Variants in MMRN1 observed in about 807,000 individuals in gnomAD.
The protein encoded by MMRN1 is multimerin 1, also known as multimerin-1.
Under a neutral mutation model 100.7 loss-of-function variants are expected in MMRN1, and 94 were observed. The observed-to-expected ratio is 0.93, with a 90% CI of 0.79 to 1.11. MMRN1 has a LOEUF of 1.11. Among genes scored for constraint, MMRN1 ranks in the 50% least tolerant of loss-of-function variants. The probability of loss-of-function intolerance (pLI) is 0.00; values close to 1 mark genes in which losing one functional copy is unlikely to be tolerated. For synonymous variants in MMRN1, 575 were observed against 505.0 expected (o/e 1.14, Z -1.86); for missense variants, 1,606 against 1,439.1 (o/e 1.12, Z -1.88).
At chr4:89,923,461 A>T (rs971598389) in intron 4 of MMRN1, among the ~76,000 whole-genome samples, 189 bp downstream of exon 4, 1 of 152,230 alleles carries the variant, frequency 6.6e-6, no homozygotes, top group Non-Finnish European at 1.5e-5. Context: ...TACTGAAAAG[A>T]CCATGTATAA....
intron 1 of MMRN1, among the ~76,000 whole-genome samples, chr4:89,888,266 A>G (rs567375593): frequency 2.0e-5 from 3 of 152,058 alleles, no homozygotes; most frequent in East Asian, 1.9e-4. Context: ...CCTATTAAAG[A>G]TGTCTTTATT....
chr4:89,921,910 G>T (rs1007782148), intron 3 of MMRN1, among the ~76,000 whole-genome samples: 1 of 152,098 alleles, frequency 6.6e-6, no homozygotes, highest in Non-Finnish European at 1.5e-5. Context: ...ATTAACATGT[G>T]CCAGAGATGC....
rs747676638 is a variant in MMRN1 at position 89,953,022 on chromosome 4, T to G, written c.3291T>G (p.Tyr1097Ter). The change falls in exon 8 of 8, where the codon TAT becomes TAG. Residue 1097 changes from tyrosine to a stop codon, truncating the protein, a stop_gained. Coordinates refer to ENST00000264790, the MANE Select transcript of MMRN1 (RefSeq NM_007351.3). LOFTEE classifies it high-confidence loss of function. The part of the protein sequence containing the change: ...APDFSKGSYR[Y>*]APMVAFFASH... ...ATTTTTCCAAAGGATCTTACAGATA[T>G]GCACCCATGGTGGCATTTTTTGCAT... 6.2e-7 allele frequency: 1 copy of G among 1,608,322 alleles called. No individual in the cohort carries two copies. Among genetic ancestry groups the G allele is most frequent in the Non-Finnish European group, 8.5e-7 (1 of 1,177,390 alleles).
At chr4:89,934,321 TAAG>T (rs1453343971) in intron 5 of MMRN1, among the ~76,000 whole-genome samples, 5 of 152,270 alleles carry the variant, frequency 3.3e-5, no homozygotes, top group Admixed American at 6.5e-5. Context: ...AGAATATCAT[TAAG>T]GTTTTTCCCT....
At chr4:89,879,743 A>T (rs1003199937) in intron 1 of MMRN1, 1 of 151,964 alleles carries the variant, frequency 6.6e-6, no homozygotes, top group African/African-American at 2.4e-5. Flanking sequence ...CACTGTCTTT[A>T]AAAAAAAGCA....
intron 1 of MMRN1, among the ~76,000 whole-genome samples, chr4:89,883,402 G>A (rs1205399692): frequency 1.3e-5 from 2 of 151,996 alleles, no homozygotes; most frequent in Admixed American, 1.3e-4. Flanking sequence ...AACATTTGGT[G>A]CTATGAGGCT....
rs761926710 is a variant in MMRN1 at position 89,909,330 on chromosome 4, C to G, written c.678C>G (p.Asn226Lys). 9 of 1,609,902 alleles carry G rather than the reference C, an allele frequency of 5.6e-6. No homozygotes were observed. In the South Asian group the frequency reaches 8.8e-5, roughly 16 times the overall value. The part of the protein sequence containing the change: ...TRLSPTVILD[N>K]QVTYVPGGKG... Reference sequence around the variant, plus strand: ...TATCTCCCACAGTGATATTGGACAACCAGGTCACTTATGTCCCAGGTGGGA... The same window carrying G: ...TATCTCCCACAGTGATATTGGACAAGCAGGTCACTTATGTCCCAGGTGGGA... The change falls in exon 2 of 8, where the codon AAC becomes AAG. Residue 226 changes from asparagine to lysine, a missense_variant. By Grantham distance (94) the Asn-to-Lys change is moderately conservative. Coordinates refer to ENST00000264790, the MANE Select transcript of MMRN1 (RefSeq NM_007351.3).
intron 1 of MMRN1, among the ~76,000 whole-genome samples, chr4:89,885,994 TTTC>T (rs1483972248): frequency 1.3e-5 from 2 of 152,002 alleles, no homozygotes; most frequent in East Asian, 1.9e-4. Flanking sequence ...ATATCATCCC[TTTC>T]TTCTTCTTTT....
At position 89,936,557 on chromosome 4, in the gene MMRN1, T is replaced by G. The variant is rs752618078; in HGVS notation, c.2877T>G (p.Leu959=). 17 of 1,612,676 alleles carry G rather than the reference T, an allele frequency of 1.1e-5. No individual in the cohort carries two copies. The highest frequency in any genetic ancestry group is 1.4e-5 in the Non-Finnish European group (17 of 1,179,494). The change falls in exon 6 of 8, where the codon CTT becomes CTG. Residue 959 remains leucine (L), a synonymous_variant. Transcript: ENST00000264790. Reference sequence around the variant, plus strand: ...ATTCCCTGCCAGATATTCAACTTCTTCAGAAAGGTCTAACAGAATTTGTGG... The same window carrying G: ...ATTCCCTGCCAGATATTCAACTTCTGCAGAAAGGTCTAACAGAATTTGTGG... ...IKHSLPDIQL[L]QKGLTEFVEP... is the part of the protein sequence containing the mutation.
At chr4:89,937,618 C>T (rs1270101100) in intron 6 of MMRN1, among the ~76,000 whole-genome samples, 2 of 151,978 alleles carry the variant, frequency 1.3e-5, no homozygotes, top group Admixed American at 6.6e-5. Context: ...CCTCTCTAGG[C>T]CTTAGTTTCT....
chr4:89,899,202 T>C (rs1721305283), intron 1 of MMRN1, among the ~76,000 whole-genome samples: 1 of 151,818 alleles, frequency 6.6e-6, no homozygotes, highest in African/African-American at 2.4e-5. Context: ...CATCTTGTAG[T>C]TTTTCTTCTT....
chr4:89,939,063 A>G (rs1232404179), intron 6 of MMRN1, among the ~76,000 whole-genome samples: 4 of 152,124 alleles, frequency 2.6e-5, no homozygotes, highest in Admixed American at 1.3e-4. Context: ...GGCAAGGTCT[A>G]TGAAAGATGA....
rs777792571 is a variant in MMRN1 at position 89,895,472 on chromosome 4, C to T, written c.501C>T (p.Gly167=). 16 of 1,613,698 alleles carry T rather than the reference C, an allele frequency of 9.9e-6. No homozygotes were observed. The South Asian group carries it at 1.4e-4, about 14-fold the overall frequency. The stretch of plus-strand genomic sequence containing the variant: ...TTGGAGGCACTGGAGGCATTGGAGG[C>T]GTTGGAGGCACTGGAGGCGTGGGAA... ...NTVGGTGGIG[G]VGGTGGVGNR... Residue 167 remains glycine, a synonymous_variant, in exon 1 of 8, where the codon GGC becomes GGT. Transcript: ENST00000264790.
intron 5 of MMRN1, among the ~76,000 whole-genome samples, chr4:89,932,017 A>G (rs1722455954): frequency 6.6e-6 from 1 of 152,164 alleles, no homozygotes; most frequent in South Asian, 2.1e-4. Context: ...CTCATCTGAG[A>G]CAAGGCAAGT....
At chr4:89,952,908 G>T in intron 7 of MMRN1, 89 bp from the exon 8 acceptor site, 9 of 1,301,844 alleles carry the variant, frequency 6.9e-6, no homozygotes, top group Non-Finnish European at 9.4e-6. Flanking sequence ...AAGACTTTTT[G>T]TAACTGAGAT....
intron 3 of MMRN1, among the ~76,000 whole-genome samples, chr4:89,917,831 T>C (rs1721970459): frequency 6.6e-6 from 1 of 151,922 alleles, no homozygotes. Flanking sequence ...AATTATCTAT[T>C]GGGCTTTCCT....
At chr4:89,901,543 T>G (rs1376995722) in intron 1 of MMRN1, among the ~76,000 whole-genome samples, 1 of 152,092 alleles carries the variant, frequency 6.6e-6, no homozygotes, top group Non-Finnish European at 1.5e-5. Flanking sequence ...TAAATTCTTG[T>G]GTTGTTTTCA....
intron 3 of MMRN1, among the ~76,000 whole-genome samples, chr4:89,920,942 C>T (rs1722067928): frequency 6.6e-6 from 1 of 151,914 alleles, no homozygotes; most frequent in South Asian, 2.1e-4. Flanking sequence ...AGGAACTTCT[C>T]ATTTCCATCT....
chr4:89,892,335 A>G (rs1195047735), upstream of MMRN1, among the ~76,000 whole-genome samples: 3 of 151,620 alleles, frequency 2.0e-5, no homozygotes, highest in African/African-American at 7.3e-5. Flanking sequence ...GTTATACAAA[A>G]CTGATGATAT....
Sources: gnomAD v4.1 joint callset for allele counts (sites outside exome capture counted in the v4.1 genomes callset) on GRCh38, gnomAD v4.1.1 for gene constraint, MANE v1.5 for transcripts, NCBI Gene and HGNC (gene_info 2026-07-23, HGNC 2026-07-21) for gene names.